Variants in PDE6G observed in about 807,000 individuals in gnomAD.
The protein encoded by PDE6G is rod cGMP 3',5'-cyclic phosphodiesterase subunit gamma.
PDE6G carries 10 observed loss-of-function variants against 10.9 expected under a neutral mutation model. That is an observed-to-expected ratio of 0.91 (90% CI 0.56 to 1.55). The LOEUF (loss-of-function observed/expected upper bound fraction) is 1.55. Among genes scored for constraint, PDE6G ranks in the 40% most tolerant of loss-of-function variants. PDE6G has a pLI of 0.00. For missense variants in PDE6G, 102 were observed against 110.1 expected, an observed-to-expected ratio of 0.93 and a Z score of 0.33; for synonymous variants, 41 against 42.8, an observed-to-expected ratio of 0.96 and a Z score of 0.16.
intron 1 of PDE6G, among the ~76,000 whole-genome samples, chr17:81,655,727 C>G (rs1168313384): frequency 1.3e-5 from 2 of 152,244 alleles, no homozygotes; most frequent in African/African-American, 4.8e-5. Context: ...ACTGGATGCC[C>G]CAGGGACCAC....
rs776940030 is a variant in PDE6G, at chr17:81,656,505, G to C, written c.-72C>G. 2 of 763,424 alleles carry C rather than the reference G, an allele frequency of 2.6e-6. No individual in the cohort carries two copies. The highest frequency in any genetic ancestry group is 4.8e-6 in the Non-Finnish European group (2 of 417,278). The allele number at this position is 763,424 out of a possible 1,614,324, so 47.3% of individuals were successfully genotyped here. ...GGCCACTACTCACCAAGTGCAGGGC[G>C]GGTCTCAGGGGGCTGTGCTGTGAGT... On this transcript the variant is annotated 5_prime_UTR_variant, in exon 1 of 4. Transcript: ENST00000331056.
intron 2 of PDE6G, among the ~76,000 whole-genome samples, chr17:81,652,179 C>T (rs543440077): frequency 2.7e-4 from 41 of 151,220 alleles, no homozygotes; most frequent in African/African-American, 9.0e-4. Context: ...GGACACTCCT[C>T]GGTGCACTGA....
At chr17:81,658,980 C>T (rs1354639938), upstream of PDE6G, among the ~76,000 whole-genome samples, 3 of 152,012 alleles carry the variant, frequency 2.0e-5, no homozygotes, top group Non-Finnish European at 2.9e-5. Context: ...AACAAAGACC[C>T]TATAGCCTTG....
chr17:81,655,293 A>G (rs1393115587), intron 1 of PDE6G, among the ~76,000 whole-genome samples: 1 of 152,184 alleles, frequency 6.6e-6, no homozygotes, highest in Non-Finnish European at 1.5e-5. Context: ...TGAGCTGTGA[A>G]GCCCTGCGTT....
At chr17:81,660,433 A>G (rs779338146), upstream of PDE6G, among the ~76,000 whole-genome samples, 1 of 152,150 alleles carries the variant, frequency 6.6e-6, no homozygotes, top group Non-Finnish European at 1.5e-5. Context: ...AGCTATTAAT[A>G]CTTTTCTACA....
intron 2 of PDE6G, among the ~76,000 whole-genome samples, chr17:81,652,123 G>A (rs73371251): frequency 0.043 from 6,477 of 152,102 alleles, 249 homozygotes; most frequent in East Asian, 0.21. Flanking sequence ...GACACTCCTC[G>A]GTGCGTTGAT....
At chr17:81,652,737 G>A (rs1223953736) in intron 2 of PDE6G, among the ~76,000 whole-genome samples, 2 of 146,260 alleles carry the variant, frequency 1.4e-5, no homozygotes, top group African/African-American at 5.1e-5. Flanking sequence ...CACCACGCCT[G>A]GCTAAATTTG....
intron 1 of PDE6G, among the ~76,000 whole-genome samples, chr17:81,661,552 A>T (rs1384108062): frequency 6.6e-6 from 1 of 152,140 alleles, no homozygotes. Context: ...CCCCGTCTCT[A>T]CTAAAAATAC....
In PDE6G at chr17:81,651,951, C is replaced by G. The variant is rs549090507; in HGVS notation, c.147-266G>C. Among the ~76,000 whole-genome samples, 3 of 152,292 alleles carry G rather than the reference C, an allele frequency of 2.0e-5. No individual in the cohort carries two copies. Among genetic ancestry groups the G allele is most frequent in the Admixed American group, 1.3e-4 (2 of 15,308 alleles). On this transcript the variant is annotated intron_variant, in intron 2 of 3. Transcript: ENST00000331056. This position sits in a 1 kb window ranked among gnomAD's most constrained non-coding sequence, Gnocchi z 4.8. ...CAAGTCCCAGGATGCTGGGCAGGTG[C>G]GTGCCCTGGGGGAGTACGGGGGGGT...
chr17:81,658,252 T>A (rs912511548), upstream of PDE6G, among the ~76,000 whole-genome samples: 1 of 151,306 alleles, frequency 6.6e-6, no homozygotes, highest in Admixed American at 6.6e-5. Flanking sequence ...GCCCAGCTAA[T>A]TTTTAATATT....
rs933660121 is a variant in PDE6G, at chr17:81,651,404, G to A, written c.187+241C>T. Among the ~76,000 whole-genome samples, 9 of 152,030 alleles carry A rather than the reference G, an allele frequency of 5.9e-5. No homozygotes were observed. The highest frequency in any genetic ancestry group is 5.2e-4 in the Admixed American group (8 of 15,264). ...GGGGGAGGAGGCAGCGAGGGGTTCTGTTCTTTCCCAAACCCCTCCCCTCAC... is the reference window on the plus strand; with the variant it reads ...GGGGGAGGAGGCAGCGAGGGGTTCTATTCTTTCCCAAACCCCTCCCCTCAC... On this transcript the variant is annotated intron_variant, in intron 3 of 3. Coordinates refer to ENST00000331056, the MANE Select transcript of PDE6G (RefSeq NM_002602.4). The surrounding 1 kb of genome is among the most constrained non-coding windows in gnomAD (Gnocchi z 4.8).
At chr17:81,656,819 C>T (rs1266940018), upstream of PDE6G, 2 of 589,916 alleles carry the variant, frequency 3.4e-6, no homozygotes, top group South Asian at 1.9e-5. Flanking sequence ...TGTCTTGGGC[C>T]TCCCTACTGC....
upstream of PDE6G, among the ~76,000 whole-genome samples, chr17:81,659,068 A>C (rs2036484487): frequency 6.6e-6 from 1 of 152,092 alleles, no homozygotes; most frequent in Admixed American, 6.6e-5. Context: ...ATGCTGCAAT[A>C]AATGGAACAA....
At chr17:81,660,224 CA>C (rs1235144317), upstream of PDE6G, among the ~76,000 whole-genome samples, 2 of 152,104 alleles carry the variant, frequency 1.3e-5, no homozygotes, top group African/African-American at 4.8e-5. Context: ...CCAGCTTGGC[CA>C]ACATGGCGAA....
chr17:81,653,638 G>A lies in PDE6G; in HGVS notation c.-59-274C>T. 2.6e-6 allele frequency: 1 copy of A among 389,676 alleles called. No homozygotes were observed. Among genetic ancestry groups the A allele is most frequent in the Admixed American group, 3.7e-5 (1 of 27,106 alleles). The allele number at this position is 389,676 out of a possible 1,614,324, so 24.1% of individuals were successfully genotyped here. A position where few individuals can be genotyped will look rare whatever the true frequency, so the allele number is the denominator to read the frequency against. ...CCCTGTCCTGGCCTCCCTCGCCCCGGCCCACAATCCACAGCAAACCTAGCC... is the reference window on the plus strand; with the variant it reads ...CCCTGTCCTGGCCTCCCTCGCCCCGACCCACAATCCACAGCAAACCTAGCC... On this transcript the variant is annotated intron_variant, in intron 1 of 3. Coordinates refer to ENST00000331056, the MANE Select transcript of PDE6G (RefSeq NM_002602.4). This position sits in a 1 kb window ranked among gnomAD's most constrained non-coding sequence, Gnocchi z 5.2.
At chr17:81,656,157 T>C (rs2144407968) in intron 1 of PDE6G, among the ~76,000 whole-genome samples, 1 of 152,274 alleles carries the variant, frequency 6.6e-6, no homozygotes, top group East Asian at 1.9e-4. Flanking sequence ...TCAGATGCCA[T>C]CCATGTGGAA....
upstream of PDE6G, among the ~76,000 whole-genome samples, chr17:81,658,041 C>CA: frequency 6.6e-6 from 1 of 151,056 alleles, no homozygotes; most frequent in Non-Finnish European, 1.5e-5. Context: ...CCCATCTCTA[C>CA]AAAAAATAGA....
chr17:81,650,492 G>A lies in PDE6G; in HGVS notation c.*582C>T. 2.2e-6 allele frequency: 1 copy of A among 452,920 alleles called. No individual in the cohort carries two copies. Among genetic ancestry groups the A allele is most frequent in the Non-Finnish European group, 4.4e-6 (1 of 225,912 alleles). 28.1% of individuals were successfully genotyped at this position (452,920 alleles called of 1,614,324 possible). On this transcript the variant is annotated 3_prime_UTR_variant, in exon 4 of 4. Coordinates refer to ENST00000331056, the MANE Select transcript of PDE6G (RefSeq NM_002602.4). ...CACACTAATTTTATTTTGAAATAGGGACTGCAAGGGCAGGCTGTATTGAGA... is the reference window on the plus strand; with the variant it reads ...CACACTAATTTTATTTTGAAATAGGAACTGCAAGGGCAGGCTGTATTGAGA...
chr17:81,651,578 C>T lies in PDE6G; in HGVS notation c.187+67G>A. 1.3e-6 allele frequency: 2 copies of T among 1,500,258 alleles called. No individual in the cohort carries two copies. The highest frequency in any genetic ancestry group is 2.3e-5 in the South Asian group (2 of 88,712). The allele number at this position is 1,500,258 out of a possible 1,614,324, so 92.9% of individuals were successfully genotyped here. ...GGGCCGAGGTGGGCTGCAATGGGCC[C>T]CGGGCGTGCTGGGTGTGCCTGGGGG... On this transcript the variant is annotated intron_variant, in intron 3 of 3. Coordinates refer to ENST00000331056, the MANE Select transcript of PDE6G (RefSeq NM_002602.4). The surrounding 1 kb of genome is among the most constrained non-coding windows in gnomAD (Gnocchi z 4.8).
Sources: gnomAD v4.1 joint callset for allele counts (sites outside exome capture counted in the v4.1 genomes callset) on GRCh38, gnomAD v4.1.1 for gene constraint, Gnocchi (gnomAD v3.1) non-coding constraint, MANE v1.5 for transcripts, NCBI Gene and HGNC (gene_info 2026-07-23, HGNC 2026-07-21) for gene names.